Variants in SLC25A48 observed in about 807,000 individuals in gnomAD.
SLC25A48 encodes the protein solute carrier family 25 member 48, also known as CTC-321K16.1.
In SLC25A48, 29 loss-of-function variants were observed where a neutral mutation model predicts 32.2. That is an observed-to-expected ratio of 0.90 (90% confidence interval 0.67 to 1.23). The LOEUF is 1.23. Ranked by LOEUF, SLC25A48 falls within the 50% of genes most tolerant of loss-of-function variation. The pLI, the probability that SLC25A48 is intolerant of heterozygous loss-of-function variation, is 0.00. For missense variants in SLC25A48, 399 were observed against 422.7 expected (o/e 0.94, Z 0.49); for synonymous variants, 164 against 172.3 (o/e 0.95, Z 0.38).
At position 135,834,895 on chromosome 5, in the gene SLC25A48, T is replaced by C. The variant is rs572449200; in HGVS notation, c.46+2T>C. The C allele has an allele frequency of 2.1e-5, 34 of 1,590,690 alleles. No individual in the cohort carries two copies. The East Asian group carries it at 7.5e-4, about 35-fold the overall frequency. The stretch of plus-strand genomic sequence containing the variant: ...ACTTTGCGGCGGGCTGGATCGGAGG[T>C]GAGTGTGCTTACCGGGGACCCCCGG... On this transcript the variant is annotated splice_donor_variant, in intron 1 of 7. Coordinates refer to ENST00000681962, the MANE Select transcript of SLC25A48 (RefSeq NM_001349336.2). LOFTEE classifies it high-confidence loss of function.
intron 4 of SLC25A48, among the ~76,000 whole-genome samples, chr5:135,817,295 GT>G (rs1009862729): frequency 4.1e-4 from 63 of 152,334 alleles, no homozygotes; most frequent in African/African-American, 1.5e-3. Context: ...CTGGCTTAAA[GT>G]ATCAATAGTG....
intron 3 of SLC25A48, chr5:135,802,879 AT>A (rs1288741205): frequency 6.6e-6 from 1 of 151,562 alleles, no homozygotes. Context: ...CTGTGATATT[AT>A]TTGTAATATT....
intron 3 of SLC25A48, among the ~76,000 whole-genome samples, chr5:135,767,561 T>C (rs1756274892): frequency 1.3e-5 from 2 of 151,982 alleles, no homozygotes; most frequent in South Asian, 2.1e-4. Context: ...CCCTCTGTGA[T>C]ATTTTTTGTA....
chr5:135,789,200 T>G (rs73789172), intron 3 of SLC25A48, among the ~76,000 whole-genome samples: 31 of 138,644 alleles, frequency 2.2e-4, no homozygotes, highest in South Asian at 6.8e-4. Context: ...GTGTACACCC[T>G]CCCCCGCCAC....
At chr5:135,712,332 A>G (rs1354917630) in intron 3 of SLC25A48, among the ~76,000 whole-genome samples, 3 of 152,198 alleles carry the variant, frequency 2.0e-5, no homozygotes, top group African/African-American at 7.2e-5. Context: ...CTCCTATCAT[A>G]AAGCGGGAGT....
chr5:135,879,958 C>T lies in SLC25A48; in HGVS notation c.814-10C>T, dbSNP rs760475673. 2.0e-6 allele frequency: 3 copies of T among 1,536,272 alleles called. No individual in the cohort carries two copies. The highest frequency in any genetic ancestry group is 2.4e-5 in the South Asian group (2 of 84,058). On this transcript the variant is annotated splice_polypyrimidine_tract_variant and intron_variant, in intron 6 of 7. Transcript: ENST00000681962. ...TCAGTCCCCTGCAATAACCTGGCCC[C>T]TGTGCAAAGGTGTTTTTCAGAGGCA...
At chr5:135,869,721 AG>A (rs1761488548) in intron 4 of SLC25A48, among the ~76,000 whole-genome samples, 1 of 152,160 alleles carries the variant, frequency 6.6e-6, no homozygotes, top group African/African-American at 2.4e-5. Context: ...TGGAAGAGGA[AG>A]GGGTGCCTAG....
intron 3 of SLC25A48, among the ~76,000 whole-genome samples, chr5:135,753,774 CCT>C (rs1755828816): frequency 6.6e-6 from 1 of 151,148 alleles, no homozygotes; most frequent in Non-Finnish European, 1.5e-5. Flanking sequence ...GTGTGTACAC[CCT>C]GTAATATTAG....
intron 2 of SLC25A48, among the ~76,000 whole-genome samples, chr5:135,634,154 T>C (rs536655594): frequency 9.2e-5 from 14 of 152,320 alleles, no homozygotes; most frequent in African/African-American, 2.9e-4. Context: ...TAGACTTGCC[T>C]AGGTGGTGTG....
chr5:135,839,100 C>T (rs1758781748), intron 1 of SLC25A48, among the ~76,000 whole-genome samples: 2 of 152,184 alleles, frequency 1.3e-5, no homozygotes, highest in African/African-American at 4.8e-5. Context: ...AAAAGAAACC[C>T]CATTTCCTTT....
chr5:135,613,665 C>A (rs1219685203), intron 1 of SLC25A48, among the ~76,000 whole-genome samples: 5 of 152,134 alleles, frequency 3.3e-5, no homozygotes, highest in Non-Finnish European at 5.9e-5. Context: ...CTATGGATAT[C>A]CACTCTTCTC....
At chr5:135,877,216 A>G (rs2126823786) in intron 6 of SLC25A48, among the ~76,000 whole-genome samples, 1 of 152,250 alleles carries the variant, frequency 6.6e-6, no homozygotes, top group East Asian at 1.9e-4. Context: ...GCCCACTGTT[A>G]GGGTCGTCTT....
chr5:135,700,684 G>A (rs908455642), intron 3 of SLC25A48, among the ~76,000 whole-genome samples: 14 of 152,192 alleles, frequency 9.2e-5, no homozygotes, highest in Non-Finnish European at 1.8e-4. Context: ...TCTCAATGGT[G>A]CAGGCACCCT....
At chr5:135,769,419 G>A (rs1016459395) in intron 3 of SLC25A48, among the ~76,000 whole-genome samples, 7 of 151,554 alleles carry the variant, frequency 4.6e-5, no homozygotes, top group Middle Eastern at 3.4e-3. Flanking sequence ...AATATCCAGT[G>A]GGGGAGAGAA....
chr5:135,869,405 C>T (rs1410923663), intron 4 of SLC25A48, among the ~76,000 whole-genome samples: 1 of 152,170 alleles, frequency 6.6e-6, no homozygotes, highest in African/African-American at 2.4e-5. Context: ...TTATTGCTTA[C>T]TCCGCAGGGA....
chr5:135,616,271 A>G (rs1335876878), intron 1 of SLC25A48, among the ~76,000 whole-genome samples: 1 of 152,162 alleles, frequency 6.6e-6, no homozygotes, highest in African/African-American at 2.4e-5. Flanking sequence ...AATGGAAGCC[A>G]CACTGACAGC....
intron 1 of SLC25A48, among the ~76,000 whole-genome samples, chr5:135,592,683 CAGTG>C (rs1389797448): frequency 4.0e-5 from 6 of 151,796 alleles, no homozygotes; most frequent in Non-Finnish European, 8.8e-5. Context: ...GAGAGAGAGA[CAGTG>C]AGAGAGAGCA....
chr5:135,861,315 A>ACG (rs766124416), intron 4 of SLC25A48, among the ~76,000 whole-genome samples: 1 of 78,768 alleles, frequency 1.3e-5, no homozygotes, highest in African/African-American at 9.8e-5. Flanking sequence ...ATACACACGC[A>ACG]CACACACACA....
chr5:135,840,454 A>G (rs905072831), intron 1 of SLC25A48, among the ~76,000 whole-genome samples: 3 of 152,256 alleles, frequency 2.0e-5, no homozygotes, highest in South Asian at 2.1e-4. Context: ...TTGAAAGTGT[A>G]TAATTCAGTG....
Sources: allele counts gnomAD v4.1 joint callset (sites outside exome capture counted in the v4.1 genomes callset), GRCh38; gene constraint gnomAD v4.1.1; transcripts MANE v1.5; gene names NCBI Gene and HGNC (gene_info 2026-07-23, HGNC 2026-07-21).